The following CEP57 variants were observed in gnomAD, a reference collection of about 807,000 sequenced individuals.
The protein encoded by CEP57 is centrosomal protein 57.
Under a neutral mutation model 68.0 loss-of-function variants are expected in CEP57, and 40 were observed. The ratio of observed to expected loss-of-function variants is 0.59; its 90% CI spans 0.46 to 0.77. The LOEUF (loss-of-function observed/expected upper bound fraction) is 0.77. Among genes scored for constraint, CEP57 ranks in the 30% least tolerant of loss-of-function variants. CEP57 has a pLI of 0.00. For synonymous variants in CEP57, 219 were observed against 198.7 expected, an observed-to-expected ratio of 1.10 and a Z score of -0.86; for missense variants, 606 against 580.7, an observed-to-expected ratio of 1.04 and a Z score of -0.45.
chr11:95,817,938 T>A, intron 5 of CEP57, 35 bp downstream of exon 5: 3 of 1,306,848 alleles, frequency 2.3e-6, no homozygotes, highest in Non-Finnish European at 3.3e-6. Context: ...TTAACATATA[T>A]CAGGGTGGTT....
chr11:95,822,677 G>A, intron 8 of CEP57, 101 bp downstream of exon 8: 5 of 887,466 alleles, frequency 5.6e-6, no homozygotes, highest in Non-Finnish European at 7.5e-6. Flanking sequence ...ACATTTTTCT[G>A]TGCCTTTACC....
At chr11:95,812,904 C>T (rs759349394) in intron 2 of CEP57, 28 bp from the exon 3 acceptor site, 1 of 1,605,052 alleles carries the variant, frequency 6.2e-7, no homozygotes, top group Non-Finnish European at 8.5e-7. Context: ...GCTGTTACAG[C>T]ATCCACGTTT....
intron 2 of CEP57, among the ~76,000 whole-genome samples, chr11:95,807,861 A>C (rs1323723554): frequency 6.6e-6 from 1 of 152,222 alleles, no homozygotes; most frequent in Admixed American, 6.5e-5. Context: ...TTCAGGAAAT[A>C]CAGATAATGC....
At chr11:95,810,184 A>G (rs1436890016) in intron 2 of CEP57, among the ~76,000 whole-genome samples, 3 of 152,204 alleles carry the variant, frequency 2.0e-5, no homozygotes, top group Non-Finnish European at 2.9e-5. Context: ...TAAACTAGGT[A>G]TTGATGGGAC....
intron 4 of CEP57, 96 bp downstream of exon 4, chr11:95,813,685 C>T: frequency 1.4e-6 from 2 of 1,444,106 alleles, no homozygotes; most frequent in South Asian, 2.4e-5. Flanking sequence ...ATTAATGGTG[C>T]TGTTACAGCC....
chr11:95,799,706 T>C (rs1396633403), intron 2 of CEP57, among the ~76,000 whole-genome samples: 1 of 152,154 alleles, frequency 6.6e-6, no homozygotes, highest in Non-Finnish European at 1.5e-5. Context: ...CTTTTTGTGT[T>C]CTCATTGCTT....
chr11:95,808,190 C>A (rs1861894276), intron 2 of CEP57, among the ~76,000 whole-genome samples: 1 of 152,026 alleles, frequency 6.6e-6, no homozygotes, highest in African/African-American at 2.4e-5. Context: ...TACCACCAGG[C>A]CTGCCTTACA....
At chr11:95,802,291 G>C (rs187321379) in intron 2 of CEP57, among the ~76,000 whole-genome samples, 63 of 140,328 alleles carry the variant, frequency 4.5e-4, no homozygotes, top group African/African-American at 1.5e-3. Context: ...GTCTCACTCT[G>C]TCACCCAGGC....
Position 95,795,669 on chromosome 11 carries a change from A to C in CEP57, c.46-3563A>C, listed in dbSNP as rs1215346612. The C allele has an allele frequency of 9.0e-6, 4 of 444,678 alleles. No homozygotes were observed. In the East Asian group the frequency reaches 1.4e-4, roughly 15 times the overall value. The allele number at this position is 444,678 out of a possible 1,614,324, so 27.5% of individuals were successfully genotyped here. A position where few individuals can be genotyped will look rare whatever the true frequency, so the allele number is the denominator to read the frequency against. On this transcript the variant is annotated intron_variant, in intron 1 of 10. Coordinates refer to ENST00000325542, the MANE Select transcript of CEP57 (RefSeq NM_014679.5). Reference sequence around the variant, plus strand: ...AAACTTCATATTATCATAAGGAAGTAAGTTTTTTAAAAAATAATGGCTGGA... The same window carrying C: ...AAACTTCATATTATCATAAGGAAGTCAGTTTTTTAAAAAATAATGGCTGGA...
At chr11:95,790,802 C>G in intron 1 of CEP57, 59 bp downstream of exon 1, 2 of 1,594,682 alleles carry the variant, frequency 1.3e-6, no homozygotes, top group Non-Finnish European at 1.7e-6. Context: ...CTTTGAGTTT[C>G]CTCACGTTTC....
chr11:95,827,615 G>A lies in CEP57; in HGVS notation c.886-171G>A, dbSNP rs1224516332. The A allele has an allele frequency of 6.8e-6, 5 of 736,226 alleles. No individual in the cohort carries two copies. The East Asian group carries it at 1.4e-4, about 20-fold the overall frequency. 45.6% of individuals were successfully genotyped at this position (736,226 alleles called of 1,614,324 possible). On this transcript the variant is annotated intron_variant, in intron 8 of 10. Coordinates refer to ENST00000325542, the MANE Select transcript of CEP57 (RefSeq NM_014679.5). ...TTTTCCATTCTGAAACATAGTTAGT[G>A]GATTTATATCAAAGGATTTCAAATA... is the stretch of plus-strand genomic sequence containing the variant.
intron 4 of CEP57, among the ~76,000 whole-genome samples, chr11:95,816,696 G>A (rs886526356): frequency 2.0e-5 from 3 of 152,046 alleles, no homozygotes; most frequent in Non-Finnish European, 4.4e-5. Flanking sequence ...GCCTTATTTT[G>A]AAGACACAGT....
chr11:95,829,145 C>T (rs1862883892), intron 9 of CEP57, 42 bp from the exon 10 acceptor site: 5 of 1,608,232 alleles, frequency 3.1e-6, no homozygotes, highest in Non-Finnish European at 4.2e-6. Context: ...AACCATGAAA[C>T]ACAGAAAACT....
upstream of CEP57, chr11:95,790,309 C>G (rs1008240776): frequency 2.2e-5 from 7 of 321,100 alleles, no homozygotes; most frequent in African/African-American, 4.2e-5. Context: ...ACGCTTCTTA[C>G]TGGAGGAGGC....
chr11:95,800,906 TCTTTG>T, intron 2 of CEP57, among the ~76,000 whole-genome samples: 1 of 152,262 alleles, frequency 6.6e-6, no homozygotes, highest in East Asian at 1.9e-4. Flanking sequence ...AAATGAAATA[TCTTTG>T]CTTTATTTGG....
intron 2 of CEP57, among the ~76,000 whole-genome samples, chr11:95,801,569 CA>C (rs1861581711): frequency 6.7e-6 from 1 of 149,494 alleles, no homozygotes; most frequent in South Asian, 2.1e-4. Context: ...CTAACAGGAA[CA>C]CAAAATCTAA....
intron 10 of CEP57, among the ~76,000 whole-genome samples, chr11:95,829,586 ACTT>A (rs1249371982): frequency 1.3e-5 from 2 of 152,212 alleles, no homozygotes; most frequent in African/African-American, 4.8e-5. Context: ...ATAAGCTTTA[ACTT>A]CTTTGATGAA....
intron 2 of CEP57, among the ~76,000 whole-genome samples, chr11:95,800,604 A>G (rs1212778048): frequency 6.6e-6 from 1 of 151,980 alleles, no homozygotes; most frequent in Non-Finnish European, 1.5e-5. Context: ...GTTGGCCCAG[A>G]TGGTCTCAAT....
intron 8 of CEP57, among the ~76,000 whole-genome samples, chr11:95,824,812 A>C (rs192993089): frequency 6.6e-6 from 1 of 152,338 alleles, no homozygotes; most frequent in Admixed American, 6.5e-5. Context: ...TTATCTATAA[A>C]GCTGCTAATC....
Sources: allele counts gnomAD v4.1 joint callset (sites outside exome capture counted in the v4.1 genomes callset), GRCh38; gene constraint gnomAD v4.1.1; transcripts MANE v1.5; gene names NCBI Gene and HGNC (gene_info 2026-07-23, HGNC 2026-07-21).